The following PRKCE variants were observed in gnomAD, a reference collection of about 807,000 sequenced individuals.
The protein encoded by PRKCE is protein kinase C epsilon type.
A neutral mutation model predicts 85.4 loss-of-function variants in PRKCE; 16 were observed. The observed-to-expected ratio is 0.19, with a 90% CI of 0.13 to 0.28. The LOEUF is 0.28. PRKCE is among the 10% of genes least tolerant of loss of function. The pLI is 1.00. For missense variants in PRKCE, 573 were observed against 975.2 expected, an observed-to-expected ratio of 0.59 and a Z score of 5.49; for synonymous variants, 388 against 371.5, an observed-to-expected ratio of 1.04 and a Z score of -0.51.
chr2:46,083,092 C>T lies in PRKCE; in HGVS notation c.1438-3116C>T, dbSNP rs138542570. Among the ~76,000 whole-genome samples, 554 of 152,286 alleles carry T rather than the reference C, an allele frequency of 3.6e-3. 3 individuals carry two copies. The highest frequency in any genetic ancestry group is 0.012 in the African/African-American group (507 of 41,556). On this transcript the variant is annotated intron_variant, in intron 10 of 14. Transcript: ENST00000306156. ...TCAGCCTCCTGAGTAGCTGGGATTA[C>T]AGGCATGCGCCACCATGCCCAGCTA...
intron 2 of PRKCE, among the ~76,000 whole-genome samples, chr2:45,901,638 C>T (rs1407908917): frequency 2.0e-5 from 3 of 152,166 alleles, no homozygotes; most frequent in East Asian, 1.9e-4. Context: ...GCTGCTGGGA[C>T]GATGAAGTGT....
chr2:45,753,572 C>T (rs539792753), intron 1 of PRKCE, among the ~76,000 whole-genome samples: 41 of 141,362 alleles, frequency 2.9e-4, no homozygotes, highest in South Asian at 2.3e-4. Flanking sequence ...CGCCTTGAGA[C>T]TGACCCAGGT....
chr2:45,922,192 G>A (rs1300846004), intron 2 of PRKCE, among the ~76,000 whole-genome samples: 2 of 152,304 alleles, frequency 1.3e-5, no homozygotes, highest in East Asian at 3.9e-4. Context: ...TGTTGACATT[G>A]GTTTGAGGTT....
chr2:46,033,750 G>C (rs758536316), intron 10 of PRKCE, among the ~76,000 whole-genome samples: 2 of 152,182 alleles, frequency 1.3e-5, no homozygotes, highest in African/African-American at 4.8e-5. Context: ...TGCAGGATTC[G>C]ATAGAATCAG....
chr2:45,656,852 T>G (rs1001886341), intron 1 of PRKCE, among the ~76,000 whole-genome samples: 1 of 152,220 alleles, frequency 6.6e-6, no homozygotes, highest in Non-Finnish European at 1.5e-5. Flanking sequence ...ATCAAGCATT[T>G]TTACATAGAT....
At chr2:46,109,975 C>G (rs888327944) in intron 11 of PRKCE, among the ~76,000 whole-genome samples, 2 of 152,094 alleles carry the variant, frequency 1.3e-5, no homozygotes, top group African/African-American at 4.8e-5. Context: ...TTTTTCTTCT[C>G]TAGGCTATTG....
At chr2:45,661,686 G>GC (rs1167317978) in intron 1 of PRKCE, among the ~76,000 whole-genome samples, 3 of 147,888 alleles carry the variant, frequency 2.0e-5, no homozygotes, top group Non-Finnish European at 4.5e-5. Context: ...CCGCCACCAC[G>GC]CCCAGCTAAT....
At chr2:45,889,867 C>T (rs1280071209) in intron 2 of PRKCE, among the ~76,000 whole-genome samples, 1 of 152,230 alleles carries the variant, frequency 6.6e-6, no homozygotes, top group Non-Finnish European at 1.5e-5. Context: ...ATGTGGGCTG[C>T]AACTGCATGA....
At chr2:45,953,646 GC>G (rs1194924906) in intron 2 of PRKCE, among the ~76,000 whole-genome samples, 1 of 152,060 alleles carries the variant, frequency 6.6e-6, no homozygotes, top group African/African-American at 2.4e-5. Flanking sequence ...TTTTAATTGC[GC>G]CCCCATCCAC....
intron 1 of PRKCE, among the ~76,000 whole-genome samples, chr2:45,690,245 T>A (rs752758328): frequency 6.6e-5 from 10 of 152,248 alleles, no homozygotes; most frequent in Admixed American, 1.3e-4. Flanking sequence ...CCTGCAGCTC[T>A]AAATTTCTAT....
chr2:45,895,753 A>G lies in PRKCE; in HGVS notation c.412+52690A>G, dbSNP rs1222138249. 1.3e-5 allele frequency among the ~76,000 whole-genome samples: 2 copies of G among 152,280 alleles called. No individual in the cohort carries two copies. The highest frequency in any genetic ancestry group is 4.8e-5 in the African/African-American group (2 of 41,546). ...AGTGGAAAAGGATGGTCTCAATCTC[A>G]GTGCAGTAGGAAAGCAGGAATCAGC... On this transcript the variant is annotated intron_variant, in intron 2 of 14. Coordinates refer to ENST00000306156, the MANE Select transcript of PRKCE (RefSeq NM_005400.3). This position sits in a 1 kb window ranked among gnomAD's most constrained non-coding sequence, Gnocchi z 4.8.
chr2:46,025,625 C>T (rs1574268202), intron 10 of PRKCE, among the ~76,000 whole-genome samples: 2 of 152,322 alleles, frequency 1.3e-5, no homozygotes, highest in South Asian at 2.1e-4. Context: ...CTCTCCCTTG[C>T]TCTCACTCTC....
intron 1 of PRKCE, among the ~76,000 whole-genome samples, chr2:45,735,050 C>T (rs1681932459): frequency 6.6e-6 from 1 of 152,250 alleles, no homozygotes; most frequent in South Asian, 2.1e-4. Context: ...AATAAACCTC[C>T]TACATGCTAA....
chr2:45,768,605 T>G (rs1032142405), intron 1 of PRKCE, among the ~76,000 whole-genome samples: 5 of 152,220 alleles, frequency 3.3e-5, no homozygotes, highest in Admixed American at 6.5e-5. Flanking sequence ...GCTCTTTTCC[T>G]TCTCACCTGA....
intron 11 of PRKCE, among the ~76,000 whole-genome samples, chr2:46,114,965 C>T (rs1211353531): frequency 6.6e-6 from 1 of 152,106 alleles, no homozygotes; most frequent in Admixed American, 6.5e-5. Context: ...TCTAGAAGGT[C>T]CCAGGAACTC....
chr2:45,746,321 A>C (rs1683133429), intron 1 of PRKCE, among the ~76,000 whole-genome samples: 1 of 152,230 alleles, frequency 6.6e-6, no homozygotes, highest in Non-Finnish European at 1.5e-5. Flanking sequence ...CTCACACCTC[A>C]GATGTCCAAA....
At chr2:45,725,036 G>A (rs1680935719) in intron 1 of PRKCE, among the ~76,000 whole-genome samples, 1 of 152,218 alleles carries the variant, frequency 6.6e-6, no homozygotes, top group African/African-American at 2.4e-5. Context: ...CATAGCTAAA[G>A]AGAAATCAAT....
chr2:45,840,220 A>G (rs973022718), intron 1 of PRKCE, among the ~76,000 whole-genome samples: 14 of 152,322 alleles, frequency 9.2e-5, no homozygotes, highest in Middle Eastern at 3.4e-3. Context: ...GCAGGGTTTA[A>G]TAGGGATGAT....
intron 1 of PRKCE, among the ~76,000 whole-genome samples, chr2:45,842,027 C>T (rs1184603221): frequency 6.6e-6 from 1 of 151,890 alleles, no homozygotes; most frequent in African/African-American, 2.4e-5. Context: ...GGCGGAGAGG[C>T]TAGCAGGGGG....
Sources: gnomAD v4.1 joint callset for allele counts (sites outside exome capture counted in the v4.1 genomes callset) on GRCh38, gnomAD v4.1.1 for gene constraint, Gnocchi (gnomAD v3.1) non-coding constraint, MANE v1.5 for transcripts, NCBI Gene and HGNC (gene_info 2026-07-23, HGNC 2026-07-21) for gene names.